PCDHGB1: variants seen among roughly 807,000 people sequenced by gnomAD.
The protein encoded by PCDHGB1 is protocadherin gamma subfamily B, 1.
In PCDHGB1, 34 loss-of-function variants were observed where a neutral mutation model predicts 56.6. The observed-to-expected ratio is 0.60, with a 90% CI of 0.46 to 0.80. PCDHGB1 has a LOEUF of 0.80. Among genes scored for constraint, PCDHGB1 ranks in the 30% least tolerant of loss-of-function variants. The pLI, the probability that PCDHGB1 is intolerant of heterozygous loss-of-function variation, is 0.00. For synonymous variants in PCDHGB1, 561 were observed against 505.9 expected (o/e 1.11, Z -1.46); for missense variants, 1,278 against 1,204.6 (o/e 1.06, Z -0.90).
At chr5:141,357,089 G>C (rs762398968) in intron 1 of PCDHGB1, 32 of 1,613,878 alleles carry the variant, frequency 2.0e-5, no homozygotes, top group Non-Finnish European at 2.6e-5. Flanking sequence ...CGCACCGCAC[G>C]GGCCCTGCTG....
chr5:141,491,450 C>G lies in PCDHGB1; in HGVS notation c.2410-3357C>G. ...CAGTGCTGCAGGCGCCAGGACTCAC[C>G]CTCCCCGGACTTCTATAAGCAGTCC... On this transcript the variant is annotated intron_variant, in intron 1 of 3. Transcript: ENST00000523390. The surrounding 1 kb of genome is among the most constrained non-coding windows in gnomAD (Gnocchi z 6.9). The G allele has an allele frequency of 1.2e-6, 2 of 1,614,110 alleles. No homozygotes were observed. Among genetic ancestry groups the G allele is most frequent in the Non-Finnish European group, 1.7e-6 (2 of 1,180,044 alleles).
At chr5:141,376,509 T>C in intron 1 of PCDHGB1, 1 of 1,613,934 alleles carries the variant, frequency 6.2e-7, no homozygotes, top group Admixed American at 1.7e-5. Flanking sequence ...CAACTTCAGG[T>C]GAGTTTCTTT....
chr5:141,372,007 G>T, intron 1 of PCDHGB1: 3 of 1,613,298 alleles, frequency 1.9e-6, no homozygotes, highest in Non-Finnish European at 2.5e-6. Flanking sequence ...CGCGACCAGG[G>T]CTCGCCTACG....
intron 1 of PCDHGB1, among the ~76,000 whole-genome samples, chr5:141,450,951 A>G (rs1018018318): frequency 1.3e-5 from 2 of 151,732 alleles, no homozygotes; most frequent in Non-Finnish European, 2.9e-5. Context: ...CAGCCTCCCA[A>G]GTAGCTGGGA....
At chr5:141,423,440 C>G in intron 1 of PCDHGB1, 1 of 1,613,970 alleles carries the variant, frequency 6.2e-7, no homozygotes, top group South Asian at 1.1e-5. Context: ...GGTATGCCCA[C>G]GTCACATTTT....
intron 1 of PCDHGB1, among the ~76,000 whole-genome samples, chr5:141,433,948 T>C (rs1473404279): frequency 2.0e-5 from 3 of 152,234 alleles, no homozygotes; most frequent in Non-Finnish European, 4.4e-5. Context: ...CATTGTTTCT[T>C]CTACAGTTGT....
intron 1 of PCDHGB1, chr5:141,416,429 G>A (rs952059043): frequency 1.3e-5 from 2 of 152,144 alleles, no homozygotes; most frequent in African/African-American, 4.8e-5. Flanking sequence ...AGTGACTAAG[G>A]CTGAAAGTAA....
chr5:141,376,015 G>A, intron 1 of PCDHGB1: 7 of 1,613,364 alleles, frequency 4.3e-6, no homozygotes, highest in Non-Finnish European at 5.9e-6. Context: ...GCCTAGTGGT[G>A]GCCGTCCAGG....
chr5:141,376,506 A>C (rs773992139), intron 1 of PCDHGB1: 1 of 1,614,126 alleles, frequency 6.2e-7, no homozygotes, highest in African/African-American at 1.3e-5. Flanking sequence ...AGGCAACTTC[A>C]GGTGAGTTTC....
intron 1 of PCDHGB1, among the ~76,000 whole-genome samples, chr5:141,473,759 C>G (rs989399714): frequency 3.3e-5 from 5 of 152,158 alleles, no homozygotes; most frequent in African/African-American, 1.2e-4. Flanking sequence ...GGATACTATG[C>G]AAAGGATTTG....
intron 1 of PCDHGB1, chr5:141,419,150 C>T (rs1276109093): frequency 1.2e-6 from 2 of 1,613,850 alleles, no homozygotes; most frequent in Admixed American, 3.3e-5. Flanking sequence ...GGGCAAGCCT[C>T]CGTTATCCTC....
At chr5:141,406,277 C>T (rs1462690693) in intron 1 of PCDHGB1, among the ~76,000 whole-genome samples, 1 of 151,986 alleles carries the variant, frequency 6.6e-6, no homozygotes, top group Non-Finnish European at 1.5e-5. Flanking sequence ...GCTTCAGTTT[C>T]CCAAAGCACT....
intron 1 of PCDHGB1, chr5:141,375,477 AC>A (rs768233872): frequency 3.1e-6 from 5 of 1,613,798 alleles, no homozygotes; most frequent in Non-Finnish European, 4.2e-6. Context: ...CTTGAAAACA[AC>A]CCCAGGGGTG....
intron 1 of PCDHGB1, chr5:141,402,830 G>A: frequency 7.4e-7 from 1 of 1,346,490 alleles, no homozygotes; most frequent in Non-Finnish European, 9.8e-7. Flanking sequence ...CTCCCAGGCT[G>A]CAGCAAAACT....
chr5:141,476,986 C>A lies in PCDHGB1; in HGVS notation c.2410-17821C>A. ...CCTTCGGCAGCCACAACCGCGCCGG[C>A]GTGCGGCAACTATTCGCCTTAGACC... On this transcript the variant is annotated intron_variant, in intron 1 of 3. Transcript: ENST00000523390. The surrounding 1 kb of genome is among the most constrained non-coding windows in gnomAD (Gnocchi z 7.6). 6.2e-7 allele frequency: 1 copy of A among 1,614,218 alleles called. No individual in the cohort carries two copies. The highest frequency in any genetic ancestry group is 8.5e-7 in the Non-Finnish European group (1 of 1,180,042).
At chr5:141,505,344 AGCT>A in intron 2 of PCDHGB1, 46 bp from the exon 3 acceptor site, 1 of 1,613,046 alleles carries the variant, frequency 6.2e-7, no homozygotes, top group South Asian at 1.1e-5. Flanking sequence ...GAGGGGCATG[AGCT>A]GTGCCGGCCT....
At position 141,371,145 on chromosome 5, in the gene PCDHGB1, G is replaced by A. The variant is rs144065486; in HGVS notation, c.2409+18476G>A. The stretch of plus-strand genomic sequence containing the variant: ...TACTCAGGACATGTACAGGGTCAAT[G>A]TTGCAGAGAACCTGCCCGCTGGCTC... On this transcript the variant is annotated intron_variant, in intron 1 of 3. Coordinates refer to ENST00000523390, the MANE Select transcript of PCDHGB1 (RefSeq NM_018922.3). 54 of 1,614,030 alleles carry A rather than the reference G, an allele frequency of 3.3e-5. No individual in the cohort carries two copies. The African/African-American group carries it at 6.0e-4, about 18-fold the overall frequency.
chr5:141,403,299 T>A (rs1247528606), intron 1 of PCDHGB1: 1 of 1,613,896 alleles, frequency 6.2e-7, no homozygotes, highest in Admixed American at 1.7e-5. Flanking sequence ...AGAGTGAAAC[T>A]GTACGGAATA....
chr5:141,399,071 T>C (rs2093748237), intron 1 of PCDHGB1: 1 of 1,613,808 alleles, frequency 6.2e-7, no homozygotes. Flanking sequence ...TCAATGGTTG[T>C]AGAAGGGAGG....
Sources: gnomAD v4.1 joint callset for allele counts (sites outside exome capture counted in the v4.1 genomes callset) on GRCh38, gnomAD v4.1.1 for gene constraint, Gnocchi (gnomAD v3.1) non-coding constraint, MANE v1.5 for transcripts, NCBI Gene and HGNC (gene_info 2026-07-23, HGNC 2026-07-21) for gene names.